The following AKR1C2 variants were observed in gnomAD, a reference collection of about 807,000 sequenced individuals.
AKR1C2 encodes aldo-keto reductase family 1 member C2.
A neutral mutation model predicts 39.8 loss-of-function variants in AKR1C2; 27 were observed. That is an observed-to-expected ratio of 0.68 (90% CI 0.50 to 0.93). The LOEUF is 0.93. Ranked by LOEUF, AKR1C2 falls within the 40% of genes least tolerant of loss-of-function variation. The pLI, the probability that AKR1C2 is intolerant of heterozygous loss-of-function variation, is 0.00. For synonymous variants in AKR1C2, 114 were observed against 137.9 expected, an observed-to-expected ratio of 0.83 and a Z score of 1.22; for missense variants, 263 against 365.1, an observed-to-expected ratio of 0.72 and a Z score of 2.28.
intron 7 of AKR1C2, among the ~76,000 whole-genome samples, chr10:4,992,755 A>C (rs1836884501): frequency 6.6e-6 from 1 of 152,192 alleles, no homozygotes; most frequent in Non-Finnish European, 1.5e-5. Flanking sequence ...GTTAGAGAAC[A>C]GCCTGGGCAA....
chr10:5,001,395 G>T, intron 2 of AKR1C2, 119 bp downstream of exon 2: 1 of 1,506,446 alleles, frequency 6.6e-7, no homozygotes, highest in East Asian at 2.3e-5. Flanking sequence ...GAGTAAGTGT[G>T]AATAAATCGA....
chr10:4,999,665 C>T (rs1837190062), intron 3 of AKR1C2: 2 of 181,452 alleles, frequency 1.1e-5, no homozygotes, highest in South Asian at 2.3e-4. Context: ...AGTTCTTTAT[C>T]TCCCTGAACA....
At chr10:5,012,974 C>T (rs1378242141) in intron 1 of AKR1C2, among the ~76,000 whole-genome samples, 1 of 152,172 alleles carries the variant, frequency 6.6e-6, no homozygotes, top group African/African-American at 2.4e-5. Flanking sequence ...ACCTTCTACA[C>T]TTCTGTATCT....
At chr10:4,999,037 A>G (rs1554773499) in intron 4 of AKR1C2, among the ~76,000 whole-genome samples, 163 bp downstream of exon 4, 8 of 152,126 alleles carry the variant, frequency 5.3e-5, no homozygotes. Flanking sequence ...TCTCTTTTGT[A>G]TGCCTGTCAT....
chr10:5,017,726 T>C (rs1386031020), intron 1 of AKR1C2, among the ~76,000 whole-genome samples: 1 of 152,208 alleles, frequency 6.6e-6, no homozygotes, highest in Non-Finnish European at 1.5e-5. Flanking sequence ...CATTTTCAGG[T>C]ATCTTTATAT....
chr10:5,017,093 C>G (rs1837657777), intron 1 of AKR1C2, among the ~76,000 whole-genome samples: 1 of 152,206 alleles, frequency 6.6e-6, no homozygotes, highest in African/African-American at 2.4e-5. Context: ...ACCTCCAGGT[C>G]TGTGATAGAA....
Position 5,001,831 on chromosome 10 carries a change from G to A in AKR1C2, c.85-150C>T, listed in dbSNP as rs575837204. The A allele has an allele frequency of 3.8e-6, 4 of 1,065,200 alleles. No homozygotes were observed. In the Admixed American group the frequency reaches 1.1e-4, roughly 30 times the overall value. The allele number at this position is 1,065,200 out of a possible 1,614,324, so 66.0% of individuals were successfully genotyped here. Reference sequence around the variant, plus strand: ...CATAAGCCCATCCCAGTCTGACTGGGTCTTTCCCATTTAGTAATAAAGGTT... The same window carrying A: ...CATAAGCCCATCCCAGTCTGACTGGATCTTTCCCATTTAGTAATAAAGGTT... On this transcript the variant is annotated intron_variant, in intron 1 of 8. Transcript: ENST00000380753.
At chr10:4,993,793 T>C (rs1403954740) in intron 7 of AKR1C2, among the ~76,000 whole-genome samples, 1 of 151,408 alleles carries the variant, frequency 6.6e-6, no homozygotes, top group African/African-American at 2.4e-5. Context: ...CTAACATATA[T>C]ATTATATAAC....
At chr10:4,999,023 C>T (rs2131695438) in intron 4 of AKR1C2, among the ~76,000 whole-genome samples, 177 bp downstream of exon 4, 1 of 152,272 alleles carries the variant, frequency 6.6e-6, no homozygotes, top group Middle Eastern at 3.4e-3. Context: ...TTCTCCTCCA[C>T]TTCTCTCTTT....
chr10:4,994,061 T>G (rs1446859134), intron 7 of AKR1C2, among the ~76,000 whole-genome samples: 11 of 151,808 alleles, frequency 7.2e-5, no homozygotes, highest in African/African-American at 2.7e-4. Context: ...TTTCTTCACT[T>G]ATTTTACTTA....
chr10:5,012,728 G>T (rs1277619084), intron 1 of AKR1C2, among the ~76,000 whole-genome samples: 1 of 152,100 alleles, frequency 6.6e-6, no homozygotes, highest in African/African-American at 2.4e-5. Flanking sequence ...TGGTGCTTCA[G>T]GCCACAACAT....
rs1836733330 is a variant in AKR1C2, at chr10:4,988,479, A to G, written c.*1517T>C. 1 of 152,224 alleles carries G rather than the reference A, an allele frequency of 6.6e-6. No homozygotes were observed. 9.4% of individuals were successfully genotyped at this position (152,224 alleles called of 1,614,324 possible). ...GTGATATTTAATGCAGAGAATATCT[A>G]AGATCATCAACGGAATGAGAGTAGA... On this transcript the variant is annotated 3_prime_UTR_variant, in exon 9 of 9. Transcript: ENST00000380753.
At chr10:5,006,175 T>C (rs1937868), upstream of AKR1C2, 9,318 of 152,282 alleles carry the variant, frequency 0.061, 389 homozygotes, top group Non-Finnish European at 0.092. Context: ...CCCATGGTAG[T>C]AGAGAAATTA....
At chr10:5,011,065 C>G (rs1554774881) in intron 1 of AKR1C2, among the ~76,000 whole-genome samples, 1 of 148,250 alleles carries the variant, frequency 6.7e-6, no homozygotes, top group African/African-American at 2.5e-5. Flanking sequence ...CAACAGAGAA[C>G]AGATGACCTA....
In AKR1C2 at chr10:5,002,424, T is replaced by C. The variant is rs1284685386; in HGVS notation, c.85-743A>G. On this transcript the variant is annotated intron_variant, in intron 1 of 8. Transcript: ENST00000380753. ...GCAGTCTATTATGTTAGATCTTTTC[T>C]ACCCAGGTTTTGGCCATTCTGTCTG... 2.6e-5 allele frequency among the ~76,000 whole-genome samples: 4 copies of C among 152,250 alleles called. No homozygotes were observed. The East Asian group carries it at 5.8e-4, about 22-fold the overall frequency.
chr10:5,014,768 A>C (rs1837602990), intron 1 of AKR1C2: 1 of 152,220 alleles, frequency 6.6e-6, no homozygotes, highest in Non-Finnish European at 1.5e-5. Flanking sequence ...GGGGTTGCCA[A>C]TACCTCCAAT....
At chr10:5,004,202 A>G (rs1169298811), upstream of AKR1C2, among the ~76,000 whole-genome samples, 1 of 152,250 alleles carries the variant, frequency 6.6e-6, no homozygotes, top group Non-Finnish European at 1.5e-5. Flanking sequence ...TGTGTGTGCC[A>G]TGATGATGAG....
chr10:4,994,118 A>T (rs1386260029), intron 7 of AKR1C2, among the ~76,000 whole-genome samples: 1 of 151,632 alleles, frequency 6.6e-6, no homozygotes, highest in Non-Finnish European at 1.5e-5. Context: ...GATATATGTC[A>T]TATATATGAC....
chr10:5,000,455 G>A (rs368051275), intron 3 of AKR1C2, 95 bp downstream of exon 3: 531 of 1,608,102 alleles, frequency 3.3e-4, no homozygotes, highest in Middle Eastern at 5.0e-4. Context: ...AAATCCCTAT[G>A]TCCTCCTAAG....
Sources: allele counts gnomAD v4.1 joint callset (sites outside exome capture counted in the v4.1 genomes callset), GRCh38; gene constraint gnomAD v4.1.1; transcripts MANE v1.5; gene names NCBI Gene and HGNC (gene_info 2026-07-23, HGNC 2026-07-21).